PARP3: variants seen among roughly 807,000 people sequenced by gnomAD.
The protein encoded by PARP3 is poly(ADP-ribose) polymerase family member 3, also known as protein mono-ADP-ribosyltransferase PARP3.
In PARP3, 46 loss-of-function variants were observed where a neutral mutation model predicts 58.2. That is an observed-to-expected ratio of 0.79 (90% CI 0.62 to 1.01). The LOEUF (loss-of-function observed/expected upper bound fraction) is 1.01. PARP3 is among the 50% of genes least tolerant of loss of function. The pLI is 0.00. For missense variants in PARP3, 663 were observed against 683.9 expected, an observed-to-expected ratio of 0.97 and a Z score of 0.34; for synonymous variants, 252 against 266.4, an observed-to-expected ratio of 0.95 and a Z score of 0.53.
chr3:51,947,579 G>A, intron 9 of PARP3, 161 bp from the exon 10 acceptor site: 1 of 707,568 alleles, frequency 1.4e-6, no homozygotes, highest in Non-Finnish European at 2.4e-6. Flanking sequence ...GAGGTGGGAG[G>A]GAGCAGGCCG....
intron 1 of PARP3, 170 bp from the exon 2 acceptor site, chr3:51,943,184 G>A: frequency 1.1e-6 from 1 of 930,784 alleles, no homozygotes; most frequent in Non-Finnish European, 1.6e-6. Context: ...TCTGGGGCTG[G>A]GAATGCCGTC....
Position 51,945,594 on chromosome 3 carries a change from C to G in PARP3, c.961C>G (p.Leu321Val). The change falls in exon 7 of 11, where the codon CTT (leucine) becomes GTT (valine). Residue 321 changes from leucine (L) to valine (V), a missense_variant. By Grantham distance (32) the Leu-to-Val change is conservative (BLOSUM62 1). Transcript: ENST00000398755. ...ACACCCCCTGGACCGAGACTACCAG[C>G]TTCTCAAGTGCCAGCTGCAGCTGCT... is the stretch of plus-strand genomic sequence containing the variant. ...VPHPLDRDYQ[L>V]LKCQLQLLDS... 6.2e-7 allele frequency: 1 copy of G among 1,613,982 alleles called. No individual in the cohort carries two copies.
chr3:51,945,010 T>A lies in PARP3; in HGVS notation c.647T>A (p.Met216Lys). Residue 216 changes from methionine (M) to lysine (K), a missense_variant, in exon 6 of 11, where the codon ATG (methionine) becomes AAG (lysine). Physicochemically the swap from Met to Lys is moderately conservative, Grantham distance 95. This residue lies in a region of PARP3 where 567 missense variants were observed against 553.6 expected (regional missense o/e 1.02). Coordinates refer to ENST00000398755, the MANE Select transcript of PARP3 (RefSeq NM_001003931.4). ...CCTGTCCCCCTAGATGTGAAGAAGA[T>A]GCCCCTGGGAAAGCTGAGCAAGCAA... Reference protein sequence around the residue: ...MALMDLDVKKMPLGKLSKQQI... With the variant: ...MALMDLDVKKKPLGKLSKQQI... 1 of 1,613,752 alleles carries A rather than the reference T, an allele frequency of 6.2e-7. No individual in the cohort carries two copies.
rs976032984 is a variant in PARP3, at chr3:51,948,583, A to G, written c.*103A>G. On this transcript the variant is annotated 3_prime_UTR_variant, in exon 11 of 11. Coordinates refer to ENST00000398755, the MANE Select transcript of PARP3 (RefSeq NM_001003931.4). ...TATCACTCCTTTTTTTCAAGAATAC[A>G]ATACGTTGTTGTTAACTATAGTCAC... The G allele has an allele frequency of 5.9e-6, 6 of 1,022,506 alleles. No homozygotes were observed. In the South Asian group the frequency reaches 9.3e-5, roughly 16 times the overall value. 63.3% of individuals were successfully genotyped at this position (1,022,506 alleles called of 1,614,324 possible).
At position 51,944,833 on chromosome 3, in the gene PARP3, A is replaced by T. The variant is rs749485749; in HGVS notation, c.557A>T (p.Asp186Val). 1.9e-6 allele frequency: 3 copies of T among 1,613,876 alleles called. No individual in the cohort carries two copies. Among genetic ancestry groups the T allele is most frequent in the Non-Finnish European group, 2.5e-6 (3 of 1,179,998 alleles). ...VTKRVQPCSLDPATQKLITNI... is the reference protein window; with the variant it reads ...VTKRVQPCSLVPATQKLITNI... ...AAGCGGGTGCAGCCCTGCTCCCTGG[A>T]CCCAGCCACGCAGAAGCTCATCACT... Residue 186 changes from aspartate to valine, a missense_variant, in exon 5 of 11, where the codon GAC (aspartate) becomes GTC (valine). By Grantham distance (152) the Asp-to-Val change is radical. This residue lies in a region of PARP3 where 567 missense variants were observed against 553.6 expected (regional missense o/e 1.02). Transcript: ENST00000398755. This position sits in a 1 kb window ranked among gnomAD's most constrained non-coding sequence, Gnocchi z 4.2.
chr3:51,948,134 G>T (rs552584942), intron 10 of PARP3, among the ~76,000 whole-genome samples, 177 bp from the exon 11 acceptor site: 1 of 152,354 alleles, frequency 6.6e-6, no homozygotes, highest in Admixed American at 6.5e-5. Context: ...CCAGAGAGAA[G>T]TCGGGGAGGA....
chr3:51,944,145 C>T lies in PARP3; in HGVS notation c.240C>T (p.Asn80=). 2 of 1,613,870 alleles carry T rather than the reference C, an allele frequency of 1.2e-6. No homozygotes were observed. Among genetic ancestry groups the T allele is most frequent in the East Asian group, 2.2e-5 (1 of 44,872 alleles). ...LNQTNIENNN[N]KFYIIQLLQD... The stretch of plus-strand genomic sequence containing the variant: ...AGACCAACATCGAGAACAACAACAA[C>T]AAGTTCTACATCATCCAGCTGCTCC... Residue 80 remains asparagine (N), a synonymous_variant, in exon 3 of 11, where the codon AAC becomes AAT. Coordinates refer to ENST00000398755, the MANE Select transcript of PARP3 (RefSeq NM_001003931.4). This position sits in a 1 kb window ranked among gnomAD's most constrained non-coding sequence, Gnocchi z 4.2.
At position 51,944,898 on chromosome 3, in the gene PARP3, C is replaced by G; in HGVS notation, c.622C>G (p.Leu208Val). 1 of 1,613,912 alleles carries G rather than the reference C, an allele frequency of 6.2e-7. No individual in the cohort carries two copies. Among genetic ancestry groups the G allele is most frequent in the Non-Finnish European group, 8.5e-7 (1 of 1,180,022 alleles). ...GGAGATGTTCAAGAACACCATGGCC[C>G]TCATGGACCTGGGTGAGGGGTGAGA... is the stretch of plus-strand genomic sequence containing the variant. ...SKEMFKNTMALMDLDVKKMPL... is the reference protein window; with the variant it reads ...SKEMFKNTMAVMDLDVKKMPL... The change falls in exon 5 of 11, where the codon CTC (leucine) becomes GTC (valine). Residue 208 changes from leucine (L) to valine (V), a missense_variant. Coordinates refer to ENST00000398755, the MANE Select transcript of PARP3 (RefSeq NM_001003931.4). This position sits in a 1 kb window ranked among gnomAD's most constrained non-coding sequence, Gnocchi z 4.2.
In PARP3 at chr3:51,945,105, C is replaced by T; in HGVS notation, c.742C>T (p.Gln248Ter). 6.2e-7 allele frequency: 1 copy of T among 1,614,156 alleles called. No homozygotes were observed. Among genetic ancestry groups the T allele is most frequent in the Non-Finnish European group, 8.5e-7 (1 of 1,180,044 alleles). ...EALKGPTDGG[Q>*]SLEELSSHFY... ...CCTGAAAGGCCCCACGGATGGTGGCCAAAGCCTGGAGGAGCTGTCCTCACA... is the reference window on the plus strand; with the variant it reads ...CCTGAAAGGCCCCACGGATGGTGGCTAAAGCCTGGAGGAGCTGTCCTCACA... Residue 248 changes from glutamine to a stop codon, truncating the protein, a stop_gained, in exon 6 of 11, where the codon CAA becomes TAA. Transcript: ENST00000398755. LOFTEE classifies it high-confidence loss of function.
intron 10 of PARP3, 43 bp downstream of exon 10, chr3:51,947,938 C>T: frequency 6.4e-7 from 1 of 1,571,304 alleles, no homozygotes; most frequent in Non-Finnish European, 8.7e-7. Flanking sequence ...AGAGGTGGGG[C>T]CGAGATAGGG....
chr3:51,947,711 G>T (rs769389583), intron 9 of PARP3, 29 bp from the exon 10 acceptor site: 4 of 1,612,786 alleles, frequency 2.5e-6, no homozygotes, highest in Non-Finnish European at 3.4e-6. Context: ...AGGCTGAGCT[G>T]CCCACCGGTG....
In PARP3 at chr3:51,948,304, C is replaced by G. The variant is rs1215804235; in HGVS notation, c.1433-7C>G. 6.2e-7 allele frequency: 1 copy of G among 1,612,132 alleles called. No individual in the cohort carries two copies. Among genetic ancestry groups the G allele is most frequent in the South Asian group, 1.1e-5 (1 of 90,788 alleles). ...TGGGCCACCCTGGCCCTTGCTGTGC[C>G]CTGCAGATCCGACCCAGGACACTGA... is the stretch of plus-strand genomic sequence containing the variant. On this transcript the variant is annotated splice_polypyrimidine_tract_variant and splice_region_variant and intron_variant, in intron 10 of 10. Transcript: ENST00000398755.
rs1577654995 is a variant in PARP3 at position 51,942,548 on chromosome 3, C to G, written c.-163C>G. 3 of 718,206 alleles carry G rather than the reference C, an allele frequency of 4.2e-6. No homozygotes were observed. Among genetic ancestry groups the G allele is most frequent in the Non-Finnish European group, 7.7e-6 (3 of 387,646 alleles). 44.5% of individuals were successfully genotyped at this position (718,206 alleles called of 1,614,324 possible). On this transcript the variant is annotated 5_prime_UTR_variant, in exon 1 of 11. Coordinates refer to ENST00000398755, the MANE Select transcript of PARP3 (RefSeq NM_001003931.4). ...GCCAAATAGCCGATGTCTAATCCCC[C>G]ACACAAGCTCATCCCCGGCCTCTGG...
rs1211152599 is a variant in PARP3 at position 51,944,116 on chromosome 3, A to C, written c.211A>C (p.Asn71His). 6.2e-7 allele frequency: 1 copy of C among 1,613,466 alleles called. No individual in the cohort carries two copies. The highest frequency in any genetic ancestry group is 8.5e-7 in the Non-Finnish European group (1 of 1,179,722). Residue 71 changes from asparagine to histidine, a missense_variant, in exon 3 of 11, where the codon AAC becomes CAC. Transcript: ENST00000398755. This position sits in a 1 kb window ranked among gnomAD's most constrained non-coding sequence, Gnocchi z 4.2. ...QVYEDYNCTL[N>H]QTNIENNNNK... Reference sequence around the variant, plus strand: ...GTATGAGGACTACAACTGCACCCTGAACCAGACCAACATCGAGAACAACAA... The same window carrying C: ...GTATGAGGACTACAACTGCACCCTGCACCAGACCAACATCGAGAACAACAA...
At position 51,948,547 on chromosome 3, in the gene PARP3, T is replaced by G; in HGVS notation, c.*67T>G. On this transcript the variant is annotated 3_prime_UTR_variant, in exon 11 of 11. Transcript: ENST00000398755. ...GATCTTCAATCATCCTGCCCATCTC[T>G]GGTACCCCTATATCACTCCTTTTTT... is the stretch of plus-strand genomic sequence containing the variant. 7.1e-7 allele frequency: 1 copy of G among 1,399,696 alleles called. No individual in the cohort carries two copies. Among genetic ancestry groups the G allele is most frequent in the Non-Finnish European group, 1.0e-6 (1 of 994,540 alleles). 86.7% of individuals were successfully genotyped at this position (1,399,696 alleles called of 1,614,324 possible).
At position 51,942,523 on chromosome 3, in the gene PARP3, G is replaced by C; in HGVS notation, c.-188G>C. 1.4e-6 allele frequency: 1 copy of C among 698,880 alleles called. No individual in the cohort carries two copies. The highest frequency in any genetic ancestry group is 2.0e-5 in the Admixed American group (1 of 49,034). The allele number at this position is 698,880 out of a possible 1,614,324, so 43.3% of individuals were successfully genotyped here. A position where few individuals can be genotyped will look rare whatever the true frequency, so the allele number is the denominator to read the frequency against. Reference sequence around the variant, plus strand: ...CAGCCTCTGCTTCACCCCACTGGTGGCCAAATAGCCGATGTCTAATCCCCC... The same window carrying C: ...CAGCCTCTGCTTCACCCCACTGGTGCCCAAATAGCCGATGTCTAATCCCCC... On this transcript the variant is annotated 5_prime_UTR_variant, in exon 1 of 11. Transcript: ENST00000398755.
In PARP3 at chr3:51,945,187, C is replaced by T. The variant is rs1699646281; in HGVS notation, c.824C>T (p.Ser275Phe). ...CACAGCCAGCCCCCGCCCATCAATT[C>T]CCCTGAGCTTCTGCAGGCCAAGAAG... ...FGHSQPPPIN[S>F]PELLQAKKDM... is the part of the protein sequence containing the mutation. The change falls in exon 6 of 11, where the codon TCC (serine) becomes TTC (phenylalanine). Residue 275 changes from serine to phenylalanine, a missense_variant. This residue lies in a region of PARP3 where 567 missense variants were observed against 553.6 expected (regional missense o/e 1.02). Coordinates refer to ENST00000398755, the MANE Select transcript of PARP3 (RefSeq NM_001003931.4). The T allele has an allele frequency of 4.3e-6, 7 of 1,613,866 alleles. No individual in the cohort carries two copies. Among genetic ancestry groups the T allele is most frequent in the Non-Finnish European group, 5.9e-6 (7 of 1,180,030 alleles).
At position 51,946,350 on chromosome 3, in the gene PARP3, T is replaced by C. The variant is rs1205444913; in HGVS notation, c.1276+7T>C. ...AGCAAGTCAGCTGGATATGGTGAGG[T>C]GCCCCTCTGGGCCAAGCCCTGGGAG... On this transcript the variant is annotated splice_region_variant and intron_variant, in intron 9 of 10. Transcript: ENST00000398755. This position sits in a 1 kb window ranked among gnomAD's most constrained non-coding sequence, Gnocchi z 4.6. The C allele has an allele frequency of 6.3e-7, 1 of 1,596,444 alleles. No homozygotes were observed. The highest frequency in any genetic ancestry group is 1.1e-5 in the South Asian group (1 of 87,668).
chr3:51,944,362 G>A lies in PARP3; in HGVS notation c.313-28G>A, dbSNP rs745472150. 1.2e-6 allele frequency: 2 copies of A among 1,612,554 alleles called. No individual in the cohort carries two copies. Among genetic ancestry groups the A allele is most frequent in the East Asian group, 2.2e-5 (1 of 44,888 alleles). On this transcript the variant is annotated intron_variant, in intron 3 of 10. Coordinates refer to ENST00000398755, the MANE Select transcript of PARP3 (RefSeq NM_001003931.4). This position sits in a 1 kb window ranked among gnomAD's most constrained non-coding sequence, Gnocchi z 4.2. ...ACAGGCCAGCAAATGCTGATGGTGG[G>A]CATACCCCTGAAGGCTGTCGGTTGC... is the stretch of plus-strand genomic sequence containing the variant.
Sources: allele counts gnomAD v4.1 joint callset (sites outside exome capture counted in the v4.1 genomes callset), GRCh38; gene constraint gnomAD v4.1.1; regional missense constraint gnomAD v4.1.1; non-coding constraint Gnocchi (gnomAD v3.1); transcripts MANE v1.5; gene names NCBI Gene and HGNC (gene_info 2026-07-23, HGNC 2026-07-21).